RYR2: variants seen among roughly 807,000 people sequenced by gnomAD.
The protein encoded by RYR2 is cardiac muscle ryanodine receptor-calcium release channel.
In RYR2, 227 loss-of-function variants were observed where a neutral mutation model predicts 601.1. The observed-to-expected ratio is 0.38, with a 90% CI of 0.34 to 0.42. RYR2 has a LOEUF of 0.42. RYR2 is among the 10% of genes least tolerant of loss of function. The pLI is 1.00. For missense variants in RYR2, 4,646 were observed against 6,156.5 expected (o/e 0.75, Z 8.21); for synonymous variants, 2,223 against 2,175.1 (o/e 1.02, Z -0.61).
intron 25 of RYR2, among the ~76,000 whole-genome samples, chr1:237,536,558 C>T (rs1668633303): frequency 1.3e-5 from 2 of 151,428 alleles, no homozygotes; most frequent in South Asian, 2.1e-4. Flanking sequence ...AATAAAAATA[C>T]AAAAAAATTA....
intron 59 of RYR2, 68 bp downstream of exon 59, chr1:237,674,287 A>G: frequency 8.1e-7 from 1 of 1,240,864 alleles, no homozygotes. Context: ...TCTCCATCAT[A>G]TTTAAAGCTG....
intron 46 of RYR2, 114 bp from the exon 47 acceptor site, chr1:237,640,783 T>A (rs1036119110): frequency 5.0e-6 from 4 of 797,780 alleles, no homozygotes; most frequent in Non-Finnish European, 8.3e-6. Context: ...ATATGAAACA[T>A]ATCAGAAAAA....
intron 2 of RYR2, among the ~76,000 whole-genome samples, chr1:237,277,875 CAAATAT>C (rs1690447148): frequency 6.6e-6 from 1 of 152,098 alleles, no homozygotes; most frequent in Non-Finnish European, 1.5e-5. Flanking sequence ...CAACTGTTCA[CAAATAT>C]AAAGTCATTA....
intron 10 of RYR2, among the ~76,000 whole-genome samples, chr1:237,412,119 C>T (rs527932233): frequency 6.6e-6 from 1 of 152,006 alleles, no homozygotes; most frequent in Admixed American, 6.6e-5. Flanking sequence ...TCCTAGCTGT[C>T]AAAGTGCCTG....
chr1:237,740,246 T>G (rs1056266209), intron 79 of RYR2, among the ~76,000 whole-genome samples: 6 of 152,230 alleles, frequency 3.9e-5, no homozygotes, highest in African/African-American at 1.4e-4. Flanking sequence ...ATACCTTTTT[T>G]GTTTGTGTGA....
intron 20 of RYR2, among the ~76,000 whole-genome samples, chr1:237,499,750 T>TA (rs1462693461): frequency 6.6e-6 from 1 of 152,164 alleles, no homozygotes; most frequent in Non-Finnish European, 1.5e-5. Context: ...ATGCTAGAAA[T>TA]AAAAAGAATT....
chr1:237,720,794 A>G (rs1689654416), intron 73 of RYR2, among the ~76,000 whole-genome samples: 1 of 152,178 alleles, frequency 6.6e-6, no homozygotes, highest in Non-Finnish European at 1.5e-5. Context: ...AATCTCAAGA[A>G]ATGGTCAAAT....
Position 237,503,724 on chromosome 1 carries a change from T to C in RYR2, c.2613+219T>C, listed in dbSNP as rs142626033. ...TTCTATGTTTTTGTTGTCGTTGTTG[T>C]TGTGATGGAGTCGTGCTCTGTTGTC... On this transcript the variant is annotated intron_variant, in intron 22 of 104. Transcript: ENST00000366574. Among the ~76,000 whole-genome samples, 56 of 152,316 alleles carry C rather than the reference T, an allele frequency of 3.7e-4. 2 individuals are homozygous for C. Among genetic ancestry groups the C allele is most frequent in the African/African-American group, 1.3e-3 (54 of 41,568 alleles).
At chr1:237,827,445 G>C (rs1407341316) in intron 101 of RYR2, among the ~76,000 whole-genome samples, 2 of 151,506 alleles carry the variant, frequency 1.3e-5, no homozygotes, top group East Asian at 3.9e-4. Context: ...GACCAGCCTG[G>C]TCAACAAGAC....
chr1:237,772,052 A>G lies in RYR2; in HGVS notation c.11598A>G (p.Thr3866=). The G allele has an allele frequency of 6.4e-7, 1 of 1,555,258 alleles. No homozygotes were observed. Among genetic ancestry groups the G allele is most frequent in the Non-Finnish European group, 8.7e-7 (1 of 1,143,964 alleles). Residue 3866 remains threonine, a synonymous_variant, in exon 86 of 105, where the codon ACA becomes ACG. Transcript: ENST00000366574. ...TGAGAACTCAGACTGGCAATAATACAACTGTCAACATAATTATCTCCACTG... is the reference window on the plus strand; with the variant it reads ...TGAGAACTCAGACTGGCAATAATACGACTGTCAACATAATTATCTCCACTG... ...NYLRTQTGNN[T]TVNIIISTVD... is the part of the protein sequence containing the mutation.
At chr1:237,828,304 TC>T in intron 101 of RYR2, 76 bp from the exon 102 acceptor site, 1 of 1,032,500 alleles carries the variant, frequency 9.7e-7, no homozygotes, top group Non-Finnish European at 1.5e-6. Flanking sequence ...ATCTCCCCTT[TC>T]CCTGGGGGGA....
chr1:237,409,758 A>G lies in RYR2; in HGVS notation c.774-7291A>G, dbSNP rs188374958. Among the ~76,000 whole-genome samples the G allele has an allele frequency of 1.1e-3, 161 of 152,306 alleles. 1 individual carries two copies. The highest frequency in any genetic ancestry group is 3.7e-3 in the African/African-American group (152 of 41,578). ...TTCCCTGCATTGCAGTAACTAAAAT[A>G]CATTGATATGGCTTCTTCTTTGTCC... On this transcript the variant is annotated intron_variant, in intron 10 of 104. Transcript: ENST00000366574.
intron 15 of RYR2, among the ~76,000 whole-genome samples, chr1:237,455,953 A>G (rs748025392): frequency 6.6e-6 from 1 of 152,148 alleles, no homozygotes; most frequent in Non-Finnish European, 1.5e-5. Context: ...AACTTCTCAT[A>G]TAAGACAATC....
intron 25 of RYR2, among the ~76,000 whole-genome samples, chr1:237,535,516 C>CGT (rs1668526401): frequency 6.6e-6 from 1 of 151,374 alleles, no homozygotes; most frequent in South Asian, 2.1e-4. Context: ...CACACACACA[C>CGT]ACGTCCCAAA....
chr1:237,244,304 C>T (rs891056077), intron 1 of RYR2, among the ~76,000 whole-genome samples: 6 of 152,064 alleles, frequency 3.9e-5, no homozygotes, highest in Non-Finnish European at 7.4e-5. Context: ...GATTTTGATA[C>T]GGGAGTTCAG....
At chr1:237,393,112 G>A (rs1252801844) in intron 10 of RYR2, among the ~76,000 whole-genome samples, 4 of 152,174 alleles carry the variant, frequency 2.6e-5, no homozygotes, top group Non-Finnish European at 4.4e-5. Flanking sequence ...GGTATGTTTT[G>A]TGGGGTGGTA....
chr1:237,246,442 C>G (rs1302005872), intron 1 of RYR2, among the ~76,000 whole-genome samples: 1 of 152,146 alleles, frequency 6.6e-6, no homozygotes, highest in African/African-American at 2.4e-5. Context: ...CTGCCAACAG[C>G]ATTATTGAAT....
intron 63 of RYR2, among the ~76,000 whole-genome samples, chr1:237,696,372 C>T (rs1025061057): frequency 2.0e-5 from 3 of 152,066 alleles, no homozygotes; most frequent in African/African-American, 7.2e-5. Flanking sequence ...TATACTGCAT[C>T]TTTCTTATCT....
At chr1:237,415,971 T>C (rs934413969) in intron 10 of RYR2, among the ~76,000 whole-genome samples, 5 of 152,204 alleles carry the variant, frequency 3.3e-5, no homozygotes, top group Non-Finnish European at 5.9e-5. Flanking sequence ...ATTTTAATAT[T>C]CTCTTTACGT....
Sources: gnomAD v4.1 joint callset for allele counts (sites outside exome capture counted in the v4.1 genomes callset) on GRCh38, gnomAD v4.1.1 for gene constraint, MANE v1.5 for transcripts, NCBI Gene and HGNC (gene_info 2026-07-23, HGNC 2026-07-21) for gene names.